CATSPERT: variants seen among roughly 807,000 people sequenced by gnomAD.
CATSPERT encodes the protein catsper channel auxiliary subunit tau, also known as cation channel sperm-associated targeting subunit tau.
At chr2:201,534,891 G>T in the CATSPERT span, 1 of 544,132 alleles carries the variant, frequency 1.8e-6, no homozygotes, top group Non-Finnish European at 2.3e-6. Context: ...AAATTCAAGT[G>T]GCATGCATGT....
chr2:201,585,776 C>T, the CATSPERT span, among the ~76,000 whole-genome samples: 1 of 152,056 alleles, frequency 6.6e-6, no homozygotes, highest in South Asian at 2.1e-4. Context: ...CTATGATAGC[C>T]ATTTTTAAAA....
the CATSPERT span, chr2:201,494,184 A>G: frequency 6.5e-7 from 1 of 1,534,012 alleles, no homozygotes; most frequent in Non-Finnish European, 8.7e-7. Context: ...CTTCCATACT[A>G]CTTGATGATT....
chr2:201,557,234 T>C, the CATSPERT span: 7 of 152,240 alleles, frequency 4.6e-5, no homozygotes, highest in Non-Finnish European at 8.8e-5. Flanking sequence ...TATTTACTTA[T>C]ATTTCTCATC....
the CATSPERT span, among the ~76,000 whole-genome samples, chr2:201,618,216 C>A: frequency 1.3e-5 from 2 of 152,248 alleles, no homozygotes; most frequent in Middle Eastern, 3.4e-3. Flanking sequence ...TGGGCATATA[C>A]CCAAAGGATT....
chr2:201,602,013 A>G, the CATSPERT span: 9 of 633,626 alleles, frequency 1.4e-5, no homozygotes, highest in Non-Finnish European at 2.2e-5. Context: ...ACAATAGAAA[A>G]AAAGTATTCT....
chr2:201,549,162 A>T, the CATSPERT span, among the ~76,000 whole-genome samples: 1 of 152,138 alleles, frequency 6.6e-6, no homozygotes, highest in African/African-American at 2.4e-5. Flanking sequence ...CCTGCAATGG[A>T]TTGCAGCCTA....
chr2:201,591,404 G>A, the CATSPERT span, among the ~76,000 whole-genome samples: 66,884 of 152,026 alleles, frequency 0.44, 15,323 homozygotes, highest in Non-Finnish European at 0.52. Context: ...AGTATAGTTC[G>A]AAGTCAGGTA....
At chr2:201,599,756 A>G in the CATSPERT span, among the ~76,000 whole-genome samples, 1 of 152,208 alleles carries the variant, frequency 6.6e-6, no homozygotes, top group Non-Finnish European at 1.5e-5. Flanking sequence ...CAGGAAACAG[A>G]TTTTGATTAT....
the CATSPERT span, among the ~76,000 whole-genome samples, chr2:201,508,655 G>T: frequency 6.6e-6 from 1 of 152,198 alleles, no homozygotes; most frequent in Non-Finnish European, 1.5e-5. Flanking sequence ...GAGGTGGAAG[G>T]ATGGCTTGAG....
chr2:201,530,961 G>GTT, the CATSPERT span, among the ~76,000 whole-genome samples: 9 of 106,044 alleles, frequency 8.5e-5, no homozygotes, highest in Non-Finnish European at 1.3e-4. Context: ...TTTTTTGTGG[G>GTT]TTTTTTTTTT....
chr2:201,599,794 T>A, the CATSPERT span, among the ~76,000 whole-genome samples: 4 of 152,200 alleles, frequency 2.6e-5, no homozygotes, highest in Non-Finnish European at 4.4e-5. Flanking sequence ...CCTTACTATA[T>A]ACTTTACATT....
chr2:201,556,884 AAAGT>A, the CATSPERT span: 1 of 151,858 alleles, frequency 6.6e-6, no homozygotes, highest in South Asian at 2.1e-4. Context: ...AAAAAAGAAA[AAAGT>A]AATATGTTTA....
chr2:201,534,659 A>T, the CATSPERT span: 1 of 984,616 alleles, frequency 1.0e-6, no homozygotes, highest in South Asian at 4.7e-5. Flanking sequence ...TTAATACTCA[A>T]ATACTGTTGG....
the CATSPERT span, chr2:201,492,343 A>C: frequency 4.6e-6 from 7 of 1,535,682 alleles, no homozygotes; most frequent in Non-Finnish European, 6.1e-6. Flanking sequence ...TGATTTTGAA[A>C]GTTTTTCTAT....
At chr2:201,571,064 C>A in the CATSPERT span, among the ~76,000 whole-genome samples, 8 of 152,154 alleles carry the variant, frequency 5.3e-5, no homozygotes, top group African/African-American at 1.9e-4. Context: ...CCACGAGCTA[C>A]TCAAGGGCAA....
chr2:201,543,235 A>G, the CATSPERT span, among the ~76,000 whole-genome samples: 1 of 152,164 alleles, frequency 6.6e-6, no homozygotes, highest in Non-Finnish European at 1.5e-5. Flanking sequence ...ATGCCAGTCC[A>G]TGCTATTTTA....
the CATSPERT span, among the ~76,000 whole-genome samples, chr2:201,609,679 A>G: frequency 2.0e-5 from 3 of 152,224 alleles, no homozygotes; most frequent in Non-Finnish European, 4.4e-5. Context: ...ACTATGGGAT[A>G]CAGCAAAAGC....
At chr2:201,588,102 T>A in the CATSPERT span, among the ~76,000 whole-genome samples, 7 of 152,114 alleles carry the variant, frequency 4.6e-5, no homozygotes, top group Non-Finnish European at 1.0e-4. Flanking sequence ...ACTGAAACTA[T>A]TCCCCAAAAT....
the CATSPERT span, among the ~76,000 whole-genome samples, chr2:201,546,864 G>C: frequency 6.6e-6 from 1 of 152,136 alleles, no homozygotes; most frequent in African/African-American, 2.4e-5. Context: ...CTTTTAAGTA[G>C]AAACAAACTA....
Sources: allele counts gnomAD v4.1 joint callset (sites outside exome capture counted in the v4.1 genomes callset), GRCh38; gene constraint gnomAD v4.1.1; transcripts MANE v1.5; gene names NCBI Gene and HGNC (gene_info 2026-07-23, HGNC 2026-07-21).